The following SNX13 variants were observed in gnomAD, a reference collection of about 807,000 sequenced individuals.
SNX13 encodes sorting nexin-13.
SNX13 carries 45 observed loss-of-function variants against 133.6 expected under a neutral mutation model. That is an observed-to-expected ratio of 0.34 (90% CI 0.27 to 0.43). The LOEUF (loss-of-function observed/expected upper bound fraction) is 0.43, where lower values mean the gene tolerates loss of function less well. SNX13 is among the 20% of genes least tolerant of loss of function. The pLI is 1.00. For synonymous variants in SNX13, 414 were observed against 373.9 expected (o/e 1.11, Z -1.24); for missense variants, 1,032 against 1,145.1 (o/e 0.90, Z 1.43).
intron 18 of SNX13, among the ~76,000 whole-genome samples, chr7:17,818,712 CA>C (rs1251923742): frequency 6.6e-6 from 1 of 152,030 alleles, no homozygotes; most frequent in African/African-American, 2.4e-5. Context: ...AAAAATAATT[CA>C]AATACTACAC....
chr7:17,939,510 A>T (rs1342809341), intron 1 of SNX13, among the ~76,000 whole-genome samples: 1 of 152,180 alleles, frequency 6.6e-6, no homozygotes, highest in Non-Finnish European at 1.5e-5. Flanking sequence ...GTAAAGGCAA[A>T]CTCTACTTCT....
In SNX13 at chr7:17,875,795, T is replaced by G; in HGVS notation, c.441-5A>C. 5 of 1,578,670 alleles carry G rather than the reference T, an allele frequency of 3.2e-6. No homozygotes were observed. The highest frequency in any genetic ancestry group is 4.3e-6 in the Non-Finnish European group (5 of 1,162,878). On this transcript the variant is annotated splice_region_variant and splice_polypyrimidine_tract_variant and intron_variant, in intron 5 of 25. Coordinates refer to ENST00000428135, the MANE Select transcript of SNX13 (RefSeq NM_015132.5). The stretch of plus-strand genomic sequence containing the variant: ...TGCCAGTCTATTTCTTTTGACCTTA[T>G]AAAAAACACATTACATAAAAGGATT...
intron 1 of SNX13, among the ~76,000 whole-genome samples, chr7:17,904,939 G>A (rs534972004): frequency 1.3e-5 from 2 of 152,082 alleles, no homozygotes; most frequent in African/African-American, 4.8e-5. Flanking sequence ...CAAGTACACA[G>A]AAGCTGCTCA....
chr7:17,929,459 C>A (rs915141120), intron 1 of SNX13, among the ~76,000 whole-genome samples: 4 of 151,878 alleles, frequency 2.6e-5, no homozygotes. Context: ...TTTGTAATAC[C>A]TTAGCCCTAA....
chr7:17,932,634 A>T (rs1801524697), intron 1 of SNX13, among the ~76,000 whole-genome samples: 1 of 152,198 alleles, frequency 6.6e-6, no homozygotes, highest in Non-Finnish European at 1.5e-5. Context: ...TCTATTAGGG[A>T]AAAACATGTA....
chr7:17,886,290 G>C (rs1306303775), intron 5 of SNX13, among the ~76,000 whole-genome samples: 2 of 151,828 alleles, frequency 1.3e-5, no homozygotes, highest in African/African-American at 4.8e-5. Context: ...ACTTTCGCTG[G>C]GGGGCACAGT....
At chr7:17,929,302 C>A (rs991893928) in intron 1 of SNX13, among the ~76,000 whole-genome samples, 9 of 152,040 alleles carry the variant, frequency 5.9e-5, no homozygotes, top group African/African-American at 2.2e-4. Context: ...TAAAATGTTA[C>A]TGTAACAGGC....
At chr7:17,806,488 G>C (rs1478263509) in intron 20 of SNX13, among the ~76,000 whole-genome samples, 2 of 152,132 alleles carry the variant, frequency 1.3e-5, no homozygotes, top group African/African-American at 4.8e-5. Context: ...AATAAAGTTG[G>C]AAACCCCAAA....
intron 9 of SNX13, among the ~76,000 whole-genome samples, chr7:17,854,649 T>C (rs911449485): frequency 6.6e-6 from 1 of 152,188 alleles, no homozygotes; most frequent in East Asian, 1.9e-4. Context: ...GATATTATTG[T>C]TTTGGTGCAC....
In SNX13 at chr7:17,792,157, T is replaced by C. The variant is rs1425329175; in HGVS notation, c.*1888A>G. On this transcript the variant is annotated 3_prime_UTR_variant, in exon 26 of 26. Coordinates refer to ENST00000428135, the MANE Select transcript of SNX13 (RefSeq NM_015132.5). Reference sequence around the variant, plus strand: ...ATTCATGTCAAAAATATATTTGAAATGGGCAGAGGCATATATGAAAATCAC... The same window carrying C: ...ATTCATGTCAAAAATATATTTGAAACGGGCAGAGGCATATATGAAAATCAC... The C allele has an allele frequency of 1.3e-5, 2 of 152,020 alleles. No individual in the cohort carries two copies. The highest frequency in any genetic ancestry group is 4.8e-5 in the African/African-American group (2 of 41,408). 9.4% of individuals were successfully genotyped at this position (152,020 alleles called of 1,614,324 possible).
chr7:17,882,510 G>T (rs866071428), intron 5 of SNX13: 1 of 152,008 alleles, frequency 6.6e-6, no homozygotes, highest in Non-Finnish European at 1.5e-5. Flanking sequence ...ATATTAAAAG[G>T]TTTAAATAAA....
chr7:17,824,809 C>T (rs796218277), intron 17 of SNX13, among the ~76,000 whole-genome samples: 23 of 149,520 alleles, frequency 1.5e-4, no homozygotes, highest in African/African-American at 4.9e-4. Flanking sequence ...CTCGCTCTGT[C>T]GCCAGGCTAA....
chr7:17,831,599 G>T (rs1788496192), intron 15 of SNX13: 1 of 983,840 alleles, frequency 1.0e-6, no homozygotes, highest in East Asian at 1.1e-4. Context: ...TATACCATAT[G>T]ATATGACTTG....
At chr7:17,822,253 AG>A (rs1787378736) in intron 17 of SNX13, among the ~76,000 whole-genome samples, 1 of 152,000 alleles carries the variant, frequency 6.6e-6, no homozygotes, top group Admixed American at 6.6e-5. Flanking sequence ...CAAGCAAGTC[AG>A]GTAATCTCTA....
chr7:17,882,011 AT>A (rs1795402314), intron 5 of SNX13: 1 of 152,232 alleles, frequency 6.6e-6, no homozygotes, highest in African/African-American at 2.4e-5. Flanking sequence ...AATGAAACTA[AT>A]TTGACCTTCT....
intron 5 of SNX13, among the ~76,000 whole-genome samples, chr7:17,883,906 G>C (rs1417559907): frequency 2.6e-5 from 4 of 152,084 alleles, no homozygotes; most frequent in Admixed American, 1.3e-4. Flanking sequence ...TACTCTGCTT[G>C]TTTTTATAAA....
intron 22 of SNX13, among the ~76,000 whole-genome samples, chr7:17,801,020 A>ATATATATATATATATATG (rs1784568002): frequency 1.7e-4 from 2 of 11,826 alleles, no homozygotes; most frequent in African/African-American, 4.9e-4. Context: ...ATATATATAT[A>ATATATATATATATATATG]TATATATATA....
At chr7:17,904,330 C>G (rs547914737) in intron 1 of SNX13, among the ~76,000 whole-genome samples, 112 of 152,318 alleles carry the variant, frequency 7.4e-4, no homozygotes, top group African/African-American at 2.6e-3. Context: ...GTGACATCAT[C>G]TCTCAAGTCT....
intron 9 of SNX13, among the ~76,000 whole-genome samples, chr7:17,861,661 G>A (rs998552691): frequency 6.6e-6 from 1 of 152,132 alleles, no homozygotes; most frequent in African/African-American, 2.4e-5. Context: ...ATGGACATGT[G>A]TACAACTTCC....
Sources: allele counts gnomAD v4.1 joint callset (sites outside exome capture counted in the v4.1 genomes callset), GRCh38; gene constraint gnomAD v4.1.1; transcripts MANE v1.5; gene names NCBI Gene and HGNC (gene_info 2026-07-23, HGNC 2026-07-21).